The following AHCYL2 variants were observed in gnomAD, a reference collection of about 807,000 sequenced individuals.
AHCYL2 encodes S-adenosylhomocysteine hydrolase-like protein 2.
AHCYL2 carries 28 observed loss-of-function variants against 81.4 expected under a neutral mutation model. The ratio of observed to expected loss-of-function variants is 0.34; its 90% CI spans 0.25 to 0.47. The LOEUF is 0.47. Among genes scored for constraint, AHCYL2 ranks in the 20% least tolerant of loss-of-function variants. AHCYL2 has a pLI of 1.00. For synonymous variants in AHCYL2, 272 were observed against 290.2 expected (o/e 0.94, Z 0.64); for missense variants, 551 against 785.1 (o/e 0.70, Z 3.56).
chr7:129,299,636 A>G (rs1023025901), intron 1 of AHCYL2, among the ~76,000 whole-genome samples: 4 of 151,768 alleles, frequency 2.6e-5, no homozygotes, highest in Non-Finnish European at 5.9e-5. Context: ...CTCGTGATCC[A>G]CCCGCCTTGG....
intron 4 of AHCYL2, among the ~76,000 whole-genome samples, chr7:129,396,700 C>T (rs1795758485): frequency 1.3e-5 from 2 of 152,070 alleles, no homozygotes; most frequent in South Asian, 2.1e-4. Flanking sequence ...GGATTACAGT[C>T]GTGAGCCACC....
chr7:129,382,101 T>C (rs1435876655), intron 2 of AHCYL2, among the ~76,000 whole-genome samples: 2 of 152,224 alleles, frequency 1.3e-5, no homozygotes, highest in Non-Finnish European at 2.9e-5. Context: ...TGATTTGTTG[T>C]GTGACGCTGG....
intron 1 of AHCYL2, among the ~76,000 whole-genome samples, chr7:129,228,319 A>G (rs1392312733): frequency 6.6e-6 from 1 of 152,194 alleles, no homozygotes; most frequent in Non-Finnish European, 1.5e-5. Flanking sequence ...ACACAAGGGG[A>G]ATAAACTTTT....
At chr7:129,262,996 T>C (rs538337717) in intron 1 of AHCYL2, among the ~76,000 whole-genome samples, 2 of 152,330 alleles carry the variant, frequency 1.3e-5, no homozygotes, top group Admixed American at 6.5e-5. Flanking sequence ...AAGGGCCTTA[T>C]ATTCTTTGCT....
At chr7:129,389,491 G>T in intron 3 of AHCYL2, 143 bp from the exon 4 acceptor site, 1 of 750,228 alleles carries the variant, frequency 1.3e-6, no homozygotes, top group South Asian at 2.0e-5. Context: ...GAAAATACAG[G>T]TTTAATGTCT....
rs1794161134 is a variant in AHCYL2 at position 129,225,169 on chromosome 7, A to G, written c.93A>G (p.Leu31=). ...DLSPSEAESQ[L]GLSTAAVGAM... is the part of the protein sequence containing the mutation. ...GCCCCTCCGAGGCGGAGTCGCAACTAGGACTGAGCACGGCCGCCGTGGGCG... is the reference window on the plus strand; with the variant it reads ...GCCCCTCCGAGGCGGAGTCGCAACTGGGACTGAGCACGGCCGCCGTGGGCG... Residue 31 remains leucine, a synonymous_variant, in exon 1 of 17, where the codon CTA becomes CTG. Transcript: ENST00000325006. 1.3e-6 allele frequency: 2 copies of G among 1,592,742 alleles called. No individual in the cohort carries two copies. Among genetic ancestry groups the G allele is most frequent in the African/African-American group, 1.3e-5 (1 of 74,224 alleles).
chr7:129,294,128 T>G (rs1308603547), intron 1 of AHCYL2, among the ~76,000 whole-genome samples: 1 of 152,250 alleles, frequency 6.6e-6, no homozygotes. Flanking sequence ...CTAGCTGGCA[T>G]TTAAATATAT....
At chr7:129,328,519 CTG>C (rs1798307608) in intron 1 of AHCYL2, among the ~76,000 whole-genome samples, 1 of 151,914 alleles carries the variant, frequency 6.6e-6, no homozygotes, top group Admixed American at 6.6e-5. Context: ...GGGTCTCACT[CTG>C]TTGCCCAGAC....
At chr7:129,280,784 A>AT (rs1414324158) in intron 1 of AHCYL2, among the ~76,000 whole-genome samples, 2 of 149,728 alleles carry the variant, frequency 1.3e-5, no homozygotes, top group Admixed American at 6.6e-5. Context: ...TTTCTGGTGG[A>AT]TTTTGTCTAA....
intron 1 of AHCYL2, among the ~76,000 whole-genome samples, chr7:129,257,928 A>G (rs1205388855): frequency 6.6e-6 from 1 of 152,262 alleles, no homozygotes; most frequent in Non-Finnish European, 1.5e-5. Context: ...ATACTTTACA[A>G]GAAAACATGT....
chr7:129,308,179 TCCTAGTGGCCTAGACAG>T lies in AHCYL2; in HGVS notation c.364-71455_364-71439del, dbSNP rs148403802. ...ACTAGGACTTGCCCAGGAGTTGTAG[TCCTAGTGGCCTAGACAG>T]CCTTTCAAGTTTACTTAGAACCCCA... On this transcript the variant is annotated intron_variant, in intron 1 of 16. Coordinates refer to ENST00000325006, the MANE Select transcript of AHCYL2 (RefSeq NM_015328.4). Among the ~76,000 whole-genome samples, 910 of 152,192 alleles carry T rather than the reference TCCTAGTGGCCTAGACAG, an allele frequency of 6.0e-3. 9 individuals carry two copies. Among genetic ancestry groups the T allele is most frequent in the African/African-American group, 0.02 (846 of 41,526 alleles).
intron 5 of AHCYL2, 131 bp downstream of exon 5, chr7:129,397,455 C>A: frequency 2.1e-6 from 2 of 936,486 alleles, no homozygotes; most frequent in Non-Finnish European, 3.2e-6. Flanking sequence ...CTCGATTCTT[C>A]ATGAATTTGC....
rs80024405 is a variant in AHCYL2, at chr7:129,411,378, C to G, written c.1366+1832C>G. 7.3e-4 allele frequency among the ~76,000 whole-genome samples: 111 copies of G among 152,268 alleles called. No homozygotes were observed. The East Asian group carries it at 0.019, about 25-fold the overall frequency. On this transcript the variant is annotated intron_variant, in intron 11 of 16. Coordinates refer to ENST00000325006, the MANE Select transcript of AHCYL2 (RefSeq NM_015328.4). ...TCATCCGCCAGGCCTAGGCAACCAC[C>G]ATTTCCCTATTCTGGACATTTCATA...
intron 12 of AHCYL2, among the ~76,000 whole-genome samples, chr7:129,421,382 G>GATTTACTTAACCATTCCCTT (rs1797113320): frequency 6.6e-6 from 1 of 152,018 alleles, no homozygotes; most frequent in African/African-American, 2.4e-5. Context: ...GAACTGCCCT[G>GATTTACTTAACCATTCCCTT]ATTTACTTAA....
In AHCYL2 at chr7:129,233,693, C is replaced by G. The variant is rs777424357; in HGVS notation, c.363+8254C>G. Among the ~76,000 whole-genome samples, 72 of 152,090 alleles carry G rather than the reference C, an allele frequency of 4.7e-4. 2 individuals are homozygous for G. Among genetic ancestry groups the G allele is most frequent in the Non-Finnish European group, 5.9e-5 (4 of 68,002 alleles). ...AGTAGAGATGGCGTTTCACCGTGTT[C>G]GCCAGAATGGCTCAATCTCCTGACC... On this transcript the variant is annotated intron_variant, in intron 1 of 16. Transcript: ENST00000325006.
At chr7:129,402,506 TA>T (rs750337005) in intron 6 of AHCYL2, among the ~76,000 whole-genome samples, 3 of 152,146 alleles carry the variant, frequency 2.0e-5, no homozygotes, top group Non-Finnish European at 4.4e-5. Context: ...AGGATGGGTA[TA>T]ACAATTTGCA....
chr7:129,345,515 A>G (rs1401481267), intron 1 of AHCYL2, among the ~76,000 whole-genome samples: 1 of 152,126 alleles, frequency 6.6e-6, no homozygotes, highest in Non-Finnish European at 1.5e-5. Flanking sequence ...ACATGGAATT[A>G]ATTAGTATAT....
chr7:129,381,251 G>T (rs1794941186), intron 2 of AHCYL2, among the ~76,000 whole-genome samples: 1 of 152,052 alleles, frequency 6.6e-6, no homozygotes, highest in South Asian at 2.1e-4. Context: ...CTACACACTA[G>T]ATATACATAT....
intron 12 of AHCYL2, among the ~76,000 whole-genome samples, chr7:129,414,416 G>GTTT (rs1584903718): frequency 1.3e-5 from 1 of 77,080 alleles, no homozygotes. Context: ...TAGAAATGTT[G>GTTT]TTTCTTTTTT....
Sources: gnomAD v4.1 joint callset for allele counts (sites outside exome capture counted in the v4.1 genomes callset) on GRCh38, gnomAD v4.1.1 for gene constraint, MANE v1.5 for transcripts, NCBI Gene and HGNC (gene_info 2026-07-23, HGNC 2026-07-21) for gene names.